The following NBAS variants were observed in gnomAD, a reference collection of about 807,000 sequenced individuals.
NBAS encodes the protein NAG/BC035112 fusion.
In NBAS, 219 loss-of-function variants were observed where a neutral mutation model predicts 302.5. The ratio of observed to expected loss-of-function variants is 0.72; its 90% CI spans 0.65 to 0.81. NBAS has a LOEUF of 0.81. Ranked by LOEUF, NBAS falls within the 30% of genes least tolerant of loss-of-function variation. NBAS has a pLI of 0.00. For missense variants in NBAS, 2,932 were observed against 2,841.6 expected, an observed-to-expected ratio of 1.03 and a Z score of -0.72; for synonymous variants, 1,118 against 1,021.6, an observed-to-expected ratio of 1.09 and a Z score of -1.80.
intron 11 of NBAS, among the ~76,000 whole-genome samples, chr2:15,503,635 T>C (rs979981442): frequency 5.9e-5 from 9 of 152,144 alleles, no homozygotes; most frequent in African/African-American, 1.9e-4. Flanking sequence ...CCGTCTAACA[T>C]CCTTGCCATG....
the NBAS span, among the ~76,000 whole-genome samples, chr2:14,802,381 T>C: frequency 9.9e-5 from 15 of 151,230 alleles, no homozygotes; most frequent in Admixed American, 4.0e-4. Context: ...CATTGATCTA[T>C]ATCTCTGTTT....
At chr2:15,000,886 GC>G in the NBAS span, among the ~76,000 whole-genome samples, 38 of 152,216 alleles carry the variant, frequency 2.5e-4, no homozygotes, top group Non-Finnish European at 4.6e-4. Flanking sequence ...CTTCAGAAGG[GC>G]CTGGCAAGCT....
the NBAS span, among the ~76,000 whole-genome samples, chr2:15,034,037 A>AAGAAGAAGAAGAAGAAGAAGG: frequency 2.9e-4 from 12 of 42,024 alleles, 2 homozygotes; most frequent in Admixed American, 3.5e-3. Context: ...GAGGAGGAGG[A>AAGAAGAAGAAGAAGAAGAAGG]AGGAGGAGGA....
intron 6 of NBAS, among the ~76,000 whole-genome samples, chr2:15,546,638 G>T (rs1272327168): frequency 6.6e-6 from 1 of 152,210 alleles, no homozygotes; most frequent in Non-Finnish European, 1.5e-5. Flanking sequence ...TGAGGCAGGA[G>T]AATCACTTGA....
At chr2:15,253,345 CCCAAGCTATA>C (rs1269086183) in intron 44 of NBAS, among the ~76,000 whole-genome samples, 1 of 151,968 alleles carries the variant, frequency 6.6e-6, no homozygotes, top group East Asian at 1.9e-4. Context: ...CAGTCTTACT[CCCAAGCTATA>C]CCTGCAAAAG....
At chr2:15,558,682 T>C (rs772477375) in intron 1 of NBAS, 48 bp from the exon 2 acceptor site, 5 of 1,354,522 alleles carry the variant, frequency 3.7e-6, no homozygotes, top group African/African-American at 1.4e-5. Flanking sequence ...TCTAGTAGTA[T>C]TAGACCAGTA....
the NBAS span, among the ~76,000 whole-genome samples, chr2:14,991,024 G>A: frequency 3.9e-5 from 6 of 152,122 alleles, no homozygotes; most frequent in East Asian, 1.9e-4. Flanking sequence ...TGGAGAAGAG[G>A]AGGAAGACAA....
chr2:14,962,631 T>C, the NBAS span, among the ~76,000 whole-genome samples: 12 of 152,086 alleles, frequency 7.9e-5, no homozygotes, highest in Non-Finnish European at 1.6e-4. Flanking sequence ...ATTCAGATGG[T>C]GCATTGTTCA....
chr2:15,198,426 C>G (rs1284663376), intron 48 of NBAS, among the ~76,000 whole-genome samples: 1 of 151,988 alleles, frequency 6.6e-6, no homozygotes, highest in Non-Finnish European at 1.5e-5. Flanking sequence ...GAGAAAGGAT[C>G]TGAGGGAAGA....
the NBAS span, among the ~76,000 whole-genome samples, chr2:14,960,291 T>C: frequency 6.6e-6 from 1 of 152,208 alleles, no homozygotes; most frequent in Non-Finnish European, 1.5e-5. Flanking sequence ...CAACTTCCCA[T>C]AGAAGGCCCT....
At chr2:15,175,643 T>C (rs1017597052) in intron 51 of NBAS, among the ~76,000 whole-genome samples, 4 of 152,144 alleles carry the variant, frequency 2.6e-5, no homozygotes, top group Non-Finnish European at 5.9e-5. Flanking sequence ...AGGGTTTTAA[T>C]TGTTCATCAT....
rs1201293510 is a variant in NBAS at position 15,556,653 on chromosome 2, A to C, written c.209+130T>G. ...TCTACCTAAATGTTTGAAATGTCTC[A>C]TACTGAGTTTGCCTGAATGTCAGCA... On this transcript the variant is annotated intron_variant, in intron 3 of 51. Coordinates refer to ENST00000281513, the MANE Select transcript of NBAS (RefSeq NM_015909.4). The C allele has an allele frequency of 1.2e-5, 10 of 839,470 alleles. No individual in the cohort carries two copies. The Admixed American group carries it at 1.9e-4, about 16-fold the overall frequency. 52.0% of individuals were successfully genotyped at this position (839,470 alleles called of 1,614,324 possible). A position where few individuals can be genotyped will look rare whatever the true frequency, so the allele number is the denominator to read the frequency against.
intron 51 of NBAS, among the ~76,000 whole-genome samples, chr2:15,173,744 G>A (rs1230482175): frequency 6.6e-6 from 1 of 152,110 alleles, no homozygotes; most frequent in Non-Finnish European, 1.5e-5. Flanking sequence ...GAAAATCCAA[G>A]CTTGATCACC....
rs139325143 is a variant in NBAS at position 15,281,485 on chromosome 2, G to A, written c.5139-4384C>T. Among the ~76,000 whole-genome samples, 255 of 152,228 alleles carry A rather than the reference G, an allele frequency of 1.7e-3. 2 individuals are homozygous for A. The highest frequency in any genetic ancestry group is 5.8e-3 in the African/African-American group (241 of 41,544). ...CAGATGTGCAATGTTAGGTTGCCAG[G>A]GCCATGTGATGGGTCTGGTAAATCT... is the stretch of plus-strand genomic sequence containing the variant. On this transcript the variant is annotated intron_variant, in intron 42 of 51. Coordinates refer to ENST00000281513, the MANE Select transcript of NBAS (RefSeq NM_015909.4).
intron 50 of NBAS, among the ~76,000 whole-genome samples, chr2:15,184,619 G>A (rs1664989033): frequency 6.6e-6 from 1 of 152,162 alleles, no homozygotes; most frequent in Non-Finnish European, 1.5e-5. Context: ...TGTAAATGAT[G>A]GGAGCAGCTG....
At chr2:15,104,111 T>C in the NBAS span, among the ~76,000 whole-genome samples, 12,054 of 152,116 alleles carry the variant, frequency 0.079, 753 homozygotes, top group African/African-American at 0.18. Context: ...TCCCCCATAC[T>C]GTTTTTGTGG....
chr2:15,404,369 A>AT (rs1429460353), intron 25 of NBAS, among the ~76,000 whole-genome samples: 1 of 152,194 alleles, frequency 6.6e-6, no homozygotes, highest in Non-Finnish European at 1.5e-5. Flanking sequence ...TCCCTGGAAG[A>AT]TAAAAACACT....
At chr2:14,921,519 G>A in the NBAS span, among the ~76,000 whole-genome samples, 2 of 152,164 alleles carry the variant, frequency 1.3e-5, no homozygotes. Flanking sequence ...AAAAATAAAT[G>A]TCTGAATTTT....
intron 51 of NBAS, among the ~76,000 whole-genome samples, chr2:15,175,928 T>C (rs1297929775): frequency 6.6e-6 from 1 of 152,218 alleles, no homozygotes; most frequent in African/African-American, 2.4e-5. Context: ...TTTTTAAACT[T>C]GGATCTGCAC....
Sources: allele counts gnomAD v4.1 joint callset (sites outside exome capture counted in the v4.1 genomes callset), GRCh38; gene constraint gnomAD v4.1.1; transcripts MANE v1.5; gene names NCBI Gene and HGNC (gene_info 2026-07-23, HGNC 2026-07-21).